FHIT: variants seen among roughly 807,000 people sequenced by gnomAD.
FHIT encodes bis(5'-adenosyl)-triphosphatase.
Under a neutral mutation model 17.9 loss-of-function variants are expected in FHIT, and 19 were observed. That is an observed-to-expected ratio of 1.06 (90% CI 0.74 to 1.56). The LOEUF (loss-of-function observed/expected upper bound fraction) is 1.56. Ranked by LOEUF, FHIT falls within the 40% of genes most tolerant of loss-of-function variation. The pLI is 0.00. For synonymous variants in FHIT, 81 were observed against 69.7 expected (o/e 1.16, Z -0.81); for missense variants, 248 against 189.2 (o/e 1.31, Z -1.82).
chr3:60,951,410 T>A (rs1708879761), intron 3 of FHIT, among the ~76,000 whole-genome samples: 2 of 152,214 alleles, frequency 1.3e-5, no homozygotes, highest in South Asian at 4.1e-4. Flanking sequence ...TACTATGGTG[T>A]CAGGTGCTAC....
intron 5 of FHIT, among the ~76,000 whole-genome samples, chr3:60,276,420 A>T (rs1428851885): frequency 1.3e-5 from 2 of 152,204 alleles, no homozygotes; most frequent in Non-Finnish European, 2.9e-5. Flanking sequence ...AAGCTGAGAA[A>T]AAGGAGGCTG....
intron 4 of FHIT, among the ~76,000 whole-genome samples, chr3:60,754,760 T>C (rs542545597): frequency 2.6e-5 from 4 of 152,142 alleles, no homozygotes; most frequent in Non-Finnish European, 5.9e-5. Flanking sequence ...TTTTCAACAT[T>C]TACCCTTTCT....
At chr3:60,510,224 G>T (rs1047256140) in intron 5 of FHIT, among the ~76,000 whole-genome samples, 1 of 152,176 alleles carries the variant, frequency 6.6e-6, no homozygotes, top group South Asian at 2.1e-4. Context: ...AACTAGAACA[G>T]CACTGAAAAC....
intron 8 of FHIT, among the ~76,000 whole-genome samples, chr3:59,858,732 G>A (rs574856385): frequency 1.3e-5 from 2 of 152,104 alleles, no homozygotes; most frequent in Non-Finnish European, 2.9e-5. Flanking sequence ...CAGGTGGTGG[G>A]CAGTGAAGGC....
intron 5 of FHIT, among the ~76,000 whole-genome samples, chr3:60,102,509 C>G (rs780257679): frequency 1.3e-5 from 2 of 152,058 alleles, no homozygotes; most frequent in African/African-American, 4.8e-5. Context: ...TCTAAGACAG[C>G]CTCCACATTC....
intron 8 of FHIT, among the ~76,000 whole-genome samples, chr3:59,830,856 A>C (rs777783353): frequency 6.6e-6 from 1 of 152,146 alleles, no homozygotes; most frequent in Non-Finnish European, 1.5e-5. Flanking sequence ...TCATTTTTTC[A>C]CTGGGTGATT....
intron 3 of FHIT, among the ~76,000 whole-genome samples, chr3:60,859,660 C>T: frequency 6.8e-6 from 1 of 147,288 alleles, no homozygotes; most frequent in Non-Finnish European, 1.5e-5. Flanking sequence ...GAACCTGGAT[C>T]CTACCTAAGA....
intron 4 of FHIT, among the ~76,000 whole-genome samples, chr3:60,796,121 C>T (rs144185874): frequency 6.6e-6 from 1 of 152,226 alleles, no homozygotes; most frequent in African/African-American, 2.4e-5. Context: ...ATGAGAATAG[C>T]ATGGGAAAGA....
chr3:60,837,172 T>A (rs1188915924), intron 3 of FHIT, among the ~76,000 whole-genome samples: 1 of 152,088 alleles, frequency 6.6e-6, no homozygotes, highest in Non-Finnish European at 1.5e-5. Flanking sequence ...TAGTATATAC[T>A]TAGACAAATG....
At chr3:60,753,524 T>C (rs781854791) in intron 4 of FHIT, among the ~76,000 whole-genome samples, 8 of 152,216 alleles carry the variant, frequency 5.3e-5, no homozygotes, top group African/African-American at 1.4e-4. Flanking sequence ...CCAATTTCAT[T>C]TGGGAGTTCT....
intron 2 of FHIT, among the ~76,000 whole-genome samples, chr3:61,079,505 G>A (rs1472361529): frequency 1.3e-5 from 2 of 152,102 alleles, no homozygotes; most frequent in Non-Finnish European, 2.9e-5. Context: ...TCATTTTTCT[G>A]TTCATAATAA....
Position 60,249,199 on chromosome 3 carries a change from C to A in FHIT, c.104-235047G>T, listed in dbSNP as rs148811763. ...AAGGCAGGGGTAGAATTTTTGCCTT[C>A]CTCACAAGGTGTTCGTTTTTCTATT... On this transcript the variant is annotated intron_variant, in intron 5 of 9. Coordinates refer to ENST00000492590, the MANE Select transcript of FHIT (RefSeq NM_002012.4). Among the ~76,000 whole-genome samples the A allele has an allele frequency of 1.1e-3, 173 of 152,202 alleles. 1 individual carries two copies. Among genetic ancestry groups the A allele is most frequent in the African/African-American group, 3.9e-3 (164 of 41,528 alleles).
At chr3:60,772,155 A>T (rs1553723243) in intron 4 of FHIT, among the ~76,000 whole-genome samples, 1 of 30,860 alleles carries the variant, frequency 3.2e-5, no homozygotes, top group African/African-American at 3.1e-4. Flanking sequence ...TCTTCAGAAG[A>T]AAAAAAAAAA....
intron 4 of FHIT, among the ~76,000 whole-genome samples, chr3:60,635,853 A>G (rs569288099): frequency 1.5e-3 from 227 of 152,270 alleles, no homozygotes; most frequent in Non-Finnish European, 2.7e-3. Context: ...TGCCTTTGTG[A>G]GCCACATATA....
intron 4 of FHIT, among the ~76,000 whole-genome samples, chr3:60,581,296 C>T (rs1433493452): frequency 6.6e-6 from 1 of 152,070 alleles, no homozygotes; most frequent in Non-Finnish European, 1.5e-5. Flanking sequence ...ATTTGTCTAA[C>T]ATCACAGAGC....
chr3:61,190,402 C>A (rs1446088953), intron 2 of FHIT, among the ~76,000 whole-genome samples: 6 of 152,162 alleles, frequency 3.9e-5, no homozygotes, highest in East Asian at 1.9e-4. Flanking sequence ...CACCAGGTAG[C>A]ATGGCGATCA....
intron 5 of FHIT, among the ~76,000 whole-genome samples, chr3:60,170,559 T>C (rs1303765093): frequency 6.6e-6 from 1 of 152,156 alleles, no homozygotes; most frequent in Non-Finnish European, 1.5e-5. Flanking sequence ...GGACAAGAGA[T>C]GATGTGAGAA....
chr3:60,494,859 T>C (rs1264642963), intron 5 of FHIT, among the ~76,000 whole-genome samples: 2 of 152,304 alleles, frequency 1.3e-5, no homozygotes, highest in South Asian at 2.1e-4. Flanking sequence ...TACCACATTT[T>C]TTAAATCCAT....
At chr3:60,463,341 A>T (rs1040572507) in intron 5 of FHIT, among the ~76,000 whole-genome samples, 2 of 152,208 alleles carry the variant, frequency 1.3e-5, no homozygotes, top group African/African-American at 4.8e-5. Flanking sequence ...TTATTTCCCT[A>T]AAGAGAACAT....
Sources: allele counts gnomAD v4.1 joint callset (sites outside exome capture counted in the v4.1 genomes callset), GRCh38; gene constraint gnomAD v4.1.1; transcripts MANE v1.5; gene names NCBI Gene and HGNC (gene_info 2026-07-23, HGNC 2026-07-21).